RBFOX1: variants seen among roughly 807,000 people sequenced by gnomAD.
RBFOX1 encodes RNA binding protein fox-1 homolog 1.
Under a neutral mutation model 57.7 loss-of-function variants are expected in RBFOX1, and 8 were observed. The observed-to-expected ratio is 0.14, with a 90% CI of 0.08 to 0.25. The LOEUF (loss-of-function observed/expected upper bound fraction) is 0.25. Ranked by LOEUF, RBFOX1 falls within the 10% of genes least tolerant of loss-of-function variation. RBFOX1 has a pLI of 1.00. For missense variants in RBFOX1, 611 were observed against 548.5 expected (o/e 1.11, Z -1.14); for synonymous variants, 326 against 222.4 (o/e 1.47, Z -4.15).
intron 1 of RBFOX1, among the ~76,000 whole-genome samples, chr16:5,240,443 G>A (rs1286215689): frequency 1.3e-5 from 2 of 152,120 alleles, no homozygotes; most frequent in Admixed American, 1.3e-4. Context: ...CCTGTCTGGG[G>A]CATCTGTCTG....
At chr16:6,829,697 G>A (rs1412355295) in intron 3 of RBFOX1, among the ~76,000 whole-genome samples, 2 of 152,024 alleles carry the variant, frequency 1.3e-5, no homozygotes, top group Non-Finnish European at 2.9e-5. Flanking sequence ...CGTCTCCTGG[G>A]TTCAAGAGAT....
intron 4 of RBFOX1, among the ~76,000 whole-genome samples, chr16:5,885,191 G>C (rs555955464): frequency 6.6e-6 from 1 of 152,186 alleles, no homozygotes; most frequent in East Asian, 1.9e-4. Flanking sequence ...TTTCCTGTCA[G>C]GTTTCTCAGC....
intron 4 of RBFOX1, among the ~76,000 whole-genome samples, chr16:7,156,566 T>C (rs1012643234): frequency 4.6e-5 from 7 of 152,122 alleles, no homozygotes; most frequent in African/African-American, 1.2e-4. Flanking sequence ...TATGTGTACA[T>C]ATGTATGCAC....
chr16:7,426,851 A>G (rs913332520), intron 4 of RBFOX1, among the ~76,000 whole-genome samples: 2 of 152,194 alleles, frequency 1.3e-5, no homozygotes, highest in African/African-American at 4.8e-5. Flanking sequence ...GTTATCATAC[A>G]TGAGGGTGCA....
intron 4 of RBFOX1, among the ~76,000 whole-genome samples, chr16:7,055,585 A>T (rs1019195100): frequency 6.6e-6 from 1 of 152,178 alleles, no homozygotes; most frequent in Non-Finnish European, 1.5e-5. Flanking sequence ...ACTGCAGGAA[A>T]ATAATTCCCA....
chr16:7,681,471 C>G (rs1379841857), intron 14 of RBFOX1, among the ~76,000 whole-genome samples: 2 of 152,100 alleles, frequency 1.3e-5, no homozygotes, highest in African/African-American at 4.8e-5. Flanking sequence ...TAGAATTTTT[C>G]TGGCCTCAGA....
chr16:6,105,343 C>T (rs1348616773), intron 1 of RBFOX1, among the ~76,000 whole-genome samples: 4 of 152,064 alleles, frequency 2.6e-5, no homozygotes, highest in Non-Finnish European at 4.4e-5. Context: ...GCATCCTTTG[C>T]ATATACCGTG....
intron 2 of RBFOX1, among the ~76,000 whole-genome samples, chr16:5,507,287 T>G (rs1247333422): frequency 6.6e-6 from 1 of 152,068 alleles, no homozygotes; most frequent in African/African-American, 2.4e-5. Context: ...TGGAGATGGT[T>G]TCCTTTATTT....
chr16:6,878,446 G>A (rs1418597459), intron 3 of RBFOX1, among the ~76,000 whole-genome samples: 1 of 152,142 alleles, frequency 6.6e-6, no homozygotes, highest in Non-Finnish European at 1.5e-5. Flanking sequence ...TCTTTGAGAA[G>A]CAACACCACC....
chr16:6,431,895 TGC>T (rs1491496768), intron 2 of RBFOX1, among the ~76,000 whole-genome samples: 1 of 109,956 alleles, frequency 9.1e-6, no homozygotes, highest in Non-Finnish European at 1.8e-5. Flanking sequence ...CTTGCTTGCT[TGC>T]TTTCTTTCTT....
chr16:7,698,781 C>G (rs1329188164), intron 14 of RBFOX1, among the ~76,000 whole-genome samples: 1 of 152,008 alleles, frequency 6.6e-6, no homozygotes, highest in South Asian at 2.1e-4. Context: ...GCCATATAAG[C>G]AAAGGAACTT....
At chr16:6,792,842 A>G (rs1025762285) in intron 3 of RBFOX1, among the ~76,000 whole-genome samples, 1 of 152,116 alleles carries the variant, frequency 6.6e-6, no homozygotes, top group Non-Finnish European at 1.5e-5. Flanking sequence ...CAGCCTGGAC[A>G]AGATGGTGAA....
At chr16:5,291,641 T>C (rs1056169267) in intron 1 of RBFOX1, among the ~76,000 whole-genome samples, 9 of 152,066 alleles carry the variant, frequency 5.9e-5, no homozygotes, top group African/African-American at 2.2e-4. Flanking sequence ...CCTTCTGAAG[T>C]GATTGCTTTG....
chr16:5,472,716 G>T lies in RBFOX1; in HGVS notation c.258+5462G>T, dbSNP rs1188659210. Among the ~76,000 whole-genome samples the T allele has an allele frequency of 2.0e-5, 3 of 152,184 alleles. No homozygotes were observed. In the South Asian group the frequency reaches 6.2e-4, roughly 32 times the overall value. On this transcript the variant is annotated intron_variant, in intron 2 of 2. Coordinates refer to the RBFOX1 transcript ENST00000585867. ...TTGAGAGGCTGGGACTGGCTTCCCA[G>T]TTGATCATTTCCTAACAGAAGGAAT...
intron 5 of RBFOX1, among the ~76,000 whole-genome samples, chr16:7,565,475 C>T (rs1206242675): frequency 1.3e-5 from 2 of 152,156 alleles, no homozygotes; most frequent in East Asian, 1.9e-4. Context: ...CCAGCCCATG[C>T]TCTGCCCTGC....
At chr16:6,875,692 T>C (rs1008637801) in intron 3 of RBFOX1, among the ~76,000 whole-genome samples, 3 of 152,228 alleles carry the variant, frequency 2.0e-5, no homozygotes. Flanking sequence ...TAAGCTCCCC[T>C]TCTCTGGTAG....
At chr16:5,856,151 T>TTCTCTCTCTCTCTCTCTCTC (rs35841072) in intron 3 of RBFOX1, among the ~76,000 whole-genome samples, 1 of 40,426 alleles carries the variant, frequency 2.5e-5, no homozygotes, top group African/African-American at 1.2e-4. Context: ...GTCTTTATGG[T>TTCTCTCTCTCTCTCTCTCTC]TCTCTCTCTC....
chr16:7,481,299 A>T (rs1228892230), intron 4 of RBFOX1, among the ~76,000 whole-genome samples: 1 of 152,224 alleles, frequency 6.6e-6, no homozygotes, highest in African/African-American at 2.4e-5. Context: ...TAGAAATCGC[A>T]TTATCTATAT....
At chr16:7,389,593 A>G (rs965791431) in intron 4 of RBFOX1, among the ~76,000 whole-genome samples, 1 of 152,190 alleles carries the variant, frequency 6.6e-6, no homozygotes, top group Admixed American at 6.5e-5. Flanking sequence ...TCCTATGGTA[A>G]GGCAAAACAC....
Sources: gnomAD v4.1 joint callset for allele counts (sites outside exome capture counted in the v4.1 genomes callset) on GRCh38, gnomAD v4.1.1 for gene constraint, MANE v1.5 for transcripts, NCBI Gene and HGNC (gene_info 2026-07-23, HGNC 2026-07-21) for gene names.